Variants in ALG10B observed in about 807,000 individuals in gnomAD.
ALG10B encodes ALG10 alpha-1,2-glucosyltransferase B.
Under a neutral mutation model 38.7 loss-of-function variants are expected in ALG10B, and 27 were observed. The observed-to-expected ratio is 0.70, with a 90% CI of 0.51 to 0.96. The LOEUF (loss-of-function observed/expected upper bound fraction) is 0.96, where lower values mean the gene tolerates loss of function less well. ALG10B is among the 40% of genes least tolerant of loss of function. ALG10B has a pLI of 0.00. For missense variants in ALG10B, 522 were observed against 542.7 expected (o/e 0.96, Z 0.38); for synonymous variants, 177 against 193.3 (o/e 0.92, Z 0.70).
In ALG10B at chr12:38,317,046, C is replaced by T; in HGVS notation, c.153C>T (p.Gly51=). 2.5e-6 allele frequency: 4 copies of T among 1,614,180 alleles called. No individual in the cohort carries two copies. The highest frequency in any genetic ancestry group is 3.4e-6 in the Non-Finnish European group (4 of 1,180,042). The change falls in exon 1 of 3, where the codon GGC becomes GGT. Residue 51 remains glycine, a synonymous_variant. Coordinates refer to ENST00000308742, the MANE Select transcript of ALG10B (RefSeq NM_001013620.4). ...CTCAGGCGCAGCGCTACTGTGAGGGCCATTTCTCCCTTTCCCAGGTGGGGT... is the reference window on the plus strand; with the variant it reads ...CTCAGGCGCAGCGCTACTGTGAGGGTCATTTCTCCCTTTCCCAGGTGGGGT... ...HLPQAQRYCE[G]HFSLSQWDPM... is the part of the protein sequence containing the mutation.
intron 2 of ALG10B, among the ~76,000 whole-genome samples, chr12:38,319,143 A>G (rs895307715): frequency 6.6e-6 from 1 of 152,212 alleles, no homozygotes; most frequent in African/African-American, 2.4e-5. Context: ...ATAAGATGCT[A>G]TGAGGACACA....
Position 38,321,181 on chromosome 12 carries a change from A to T in ALG10B, c.1390A>T (p.Asn464Tyr), listed in dbSNP as rs955736476. 1 of 1,612,382 alleles carries T rather than the reference A, an allele frequency of 6.2e-7. No individual in the cohort carries two copies. Among genetic ancestry groups the T allele is most frequent in the Non-Finnish European group, 8.5e-7 (1 of 1,179,360 alleles). The change falls in exon 3 of 3, where the codon AAT becomes TAT. Residue 464 changes from asparagine to tyrosine, a missense_variant. Transcript: ENST00000308742. ...IFLNKTFQWP[N>Y]SQDIQRFMW The stretch of plus-strand genomic sequence containing the variant: ...TCTGAACAAGACTTTTCAGTGGCCA[A>T]ATAGTCAGGACATTCAAAGGTTTAT...
Position 38,324,125 on chromosome 12 carries a change from T to A in ALG10B, c.*2912T>A. 1 of 548,830 alleles carries A rather than the reference T, an allele frequency of 1.8e-6. No homozygotes were observed. 34.0% of individuals were successfully genotyped at this position (548,830 alleles called of 1,614,324 possible). ...TTGGCTCACTGAAACCTCCACCTCC[T>A]GGGTTCAAGCAGTTCTCCTGCCTCA... On this transcript the variant is annotated 3_prime_UTR_variant, in exon 3 of 3. Coordinates refer to ENST00000308742, the MANE Select transcript of ALG10B (RefSeq NM_001013620.4).
chr12:38,329,192 A>G lies in ALG10B; in HGVS notation c.*7979A>G, dbSNP rs1344028253. The G allele has an allele frequency of 2.5e-6, 1 of 398,316 alleles. No homozygotes were observed. Among genetic ancestry groups the G allele is most frequent in the Non-Finnish European group, 4.4e-6 (1 of 225,988 alleles). The allele number at this position is 398,316 out of a possible 1,614,324, so 24.7% of individuals were successfully genotyped here. A position where few individuals can be genotyped will look rare whatever the true frequency, so the allele number is the denominator to read the frequency against. On this transcript the variant is annotated 3_prime_UTR_variant, in exon 3 of 3. Coordinates refer to ENST00000308742, the MANE Select transcript of ALG10B (RefSeq NM_001013620.4). ...TCCACACTAATTTTGCCTCTTCCAC[A>G]GGGAGATAGATTCTCATCTACCATT...
Position 38,326,440 on chromosome 12 carries a change from A to G in ALG10B, c.*5227A>G, listed in dbSNP as rs1438803278. On this transcript the variant is annotated 3_prime_UTR_variant, in exon 3 of 3. Transcript: ENST00000308742. Reference sequence around the variant, plus strand: ...GAAAAACAAATAACTTTCAACCATTAAAAGGTTATAACACTTTAAAGGAAA... The same window carrying G: ...GAAAAACAAATAACTTTCAACCATTGAAAGGTTATAACACTTTAAAGGAAA... 6.6e-6 allele frequency: 1 copy of G among 150,776 alleles called. No individual in the cohort carries two copies. The highest frequency in any genetic ancestry group is 1.5e-5 in the Non-Finnish European group (1 of 67,810). The allele number at this position is 150,776 out of a possible 1,614,324, so 9.3% of individuals were successfully genotyped here. A position where few individuals can be genotyped will look rare whatever the true frequency, so the allele number is the denominator to read the frequency against.
Position 38,317,030 on chromosome 12 carries a change from A to T in ALG10B, c.137A>T (p.Gln46Leu). The change falls in exon 1 of 3, where the codon CAG (glutamine) becomes CTG (leucine). Residue 46 changes from glutamine (Q) to leucine (L), a missense_variant. By Grantham distance (113) the Gln-to-Leu change is moderately radical (BLOSUM62 -2). Transcript: ENST00000308742. ...GAGATCTTCCACCTGCCTCAGGCGC[A>T]GCGCTACTGTGAGGGCCATTTCTCC... ...MDEIFHLPQA[Q>L]RYCEGHFSLS... 6.2e-7 allele frequency: 1 copy of T among 1,614,144 alleles called. No homozygotes were observed. Among genetic ancestry groups the T allele is most frequent in the Non-Finnish European group, 8.5e-7 (1 of 1,180,020 alleles).
Position 38,325,214 on chromosome 12 carries a change from CA to C in ALG10B, c.*4003del, listed in dbSNP as rs1318585367. On this transcript the variant is annotated 3_prime_UTR_variant, in exon 3 of 3. Transcript: ENST00000308742. ...GTTTAAACTTAGCATCTCATTTTGG[CA>C]AGATAAATTATTTTAGCTGTCTGGC... 1.3e-5 allele frequency: 2 copies of C among 152,150 alleles called. No homozygotes were observed. The highest frequency in any genetic ancestry group is 4.8e-5 in the African/African-American group (2 of 41,434). 9.4% of individuals were successfully genotyped at this position (152,150 alleles called of 1,614,324 possible). A position where few individuals can be genotyped will look rare whatever the true frequency, so the allele number is the denominator to read the frequency against.
chr12:38,317,178 A>G, intron 1 of ALG10B, 114 bp downstream of exon 1: 1 of 1,430,144 alleles, frequency 7.0e-7, no homozygotes, highest in South Asian at 1.3e-5. Context: ...CCCCAGCCTC[A>G]GAACATGAAA....
Position 38,320,952 on chromosome 12 carries a change from A to G in ALG10B, c.1161A>G (p.Ser387=), listed in dbSNP as rs1478473620. 6.2e-7 allele frequency: 1 copy of G among 1,613,680 alleles called. No homozygotes were observed. Among genetic ancestry groups the G allele is most frequent in the South Asian group, 1.1e-5 (1 of 90,994 alleles). The stretch of plus-strand genomic sequence containing the variant: ...TTGCTGGTTGGAGTATAGCTGACTC[A>G]TTGAAATCAAAGCCAATTTTTTGGA... ...YIFAGWSIAD[S]LKSKPIFWNL... is the part of the protein sequence containing the mutation. The change falls in exon 3 of 3, where the codon TCA becomes TCG. Residue 387 remains serine, a synonymous_variant. Coordinates refer to ENST00000308742, the MANE Select transcript of ALG10B (RefSeq NM_001013620.4).
chr12:38,324,217 A>G lies in ALG10B; in HGVS notation c.*3004A>G, dbSNP rs1591939722. 2 of 335,862 alleles carry G rather than the reference A, an allele frequency of 6.0e-6. No homozygotes were observed. Among genetic ancestry groups the G allele is most frequent in the East Asian group, 5.3e-5 (1 of 19,046 alleles). The allele number at this position is 335,862 out of a possible 1,614,324, so 20.8% of individuals were successfully genotyped here. ...CTGGCTAATTTTTTCTATTTTTAGT[A>G]GAGCCGGGGTTTCACCGTGTTAGCC... On this transcript the variant is annotated 3_prime_UTR_variant, in exon 3 of 3. Coordinates refer to ENST00000308742, the MANE Select transcript of ALG10B (RefSeq NM_001013620.4).
chr12:38,325,701 T>G lies in ALG10B; in HGVS notation c.*4488T>G, dbSNP rs539753921. 1 of 152,284 alleles carries G rather than the reference T, an allele frequency of 6.6e-6. No individual in the cohort carries two copies. The highest frequency in any genetic ancestry group is 2.4e-5 in the African/African-American group (1 of 41,564). 9.4% of individuals were successfully genotyped at this position (152,284 alleles called of 1,614,324 possible). A position where few individuals can be genotyped will look rare whatever the true frequency, so the allele number is the denominator to read the frequency against. ...AACATTTAACATGGGAGTTAAGATTTTTATATTTGGTTGTGGCTCTGGGAT... is the reference window on the plus strand; with the variant it reads ...AACATTTAACATGGGAGTTAAGATTGTTATATTTGGTTGTGGCTCTGGGAT... On this transcript the variant is annotated 3_prime_UTR_variant, in exon 3 of 3. Transcript: ENST00000308742.
At position 38,329,150 on chromosome 12, in the gene ALG10B, A is replaced by G. The variant is rs772641217; in HGVS notation, c.*7937A>G. The G allele has an allele frequency of 5.0e-6, 2 of 398,280 alleles. No homozygotes were observed. The highest frequency in any genetic ancestry group is 7.1e-5 in the East Asian group (2 of 27,990). The allele number at this position is 398,280 out of a possible 1,614,324, so 24.7% of individuals were successfully genotyped here. On this transcript the variant is annotated 3_prime_UTR_variant, in exon 3 of 3. Transcript: ENST00000308742. ...ATGTGATTATACTTCCTAGTTTTAT[A>G]GGTCAGAAAAATGAGGTCCACACTA...
rs138776092 is a variant in ALG10B, at chr12:38,316,969, G to C, written c.76G>C (p.Ala26Pro). ...TFLVSCLLFS[A>P]FSRALREPYM... is the part of the protein sequence containing the mutation. ...TTTAGTGTCCTGCCTCCTCTTCTCC[G>C]CCTTCAGCCGGGCGCTGCGAGAGCC... is the stretch of plus-strand genomic sequence containing the variant. Residue 26 changes from alanine (A) to proline (P), a missense_variant, in exon 1 of 3, where the codon GCC becomes CCC. By Grantham distance (27) the Ala-to-Pro change is conservative. Coordinates refer to ENST00000308742, the MANE Select transcript of ALG10B (RefSeq NM_001013620.4). The C allele has an allele frequency of 5.5e-4, 882 of 1,614,100 alleles. 8 individuals are homozygous for C. The Middle Eastern group carries it at 5.9e-3, about 11-fold the overall frequency.
At chr12:38,318,105 C>G in intron 1 of ALG10B, 156 bp from the exon 2 acceptor site, 1 of 989,110 alleles carries the variant, frequency 1.0e-6, no homozygotes, top group Non-Finnish European at 1.5e-6. Context: ...ATAAGAAAAA[C>G]TAATCCTGTT....
At chr12:38,319,643 A>ATGAAAATATCATCT (rs2120488766) in intron 2 of ALG10B, among the ~76,000 whole-genome samples, 1 of 152,366 alleles carries the variant, frequency 6.6e-6, no homozygotes, top group Admixed American at 6.5e-5. Context: ...TTATTTCATC[A>ATGAAAATATCATCT]TGAAAATATC....
In ALG10B at chr12:38,324,918, G is replaced by C. The variant is rs970984312; in HGVS notation, c.*3705G>C. On this transcript the variant is annotated 3_prime_UTR_variant, in exon 3 of 3. Transcript: ENST00000308742. ...GCTCGAGGGCATCTGGAGCCCTACA[G>C]TTACCATTACTAAAGTCTGTGAGTA... The C allele has an allele frequency of 1.3e-5, 2 of 152,178 alleles. No individual in the cohort carries two copies. The highest frequency in any genetic ancestry group is 2.9e-5 in the Non-Finnish European group (2 of 68,008). The allele number at this position is 152,178 out of a possible 1,614,324, so 9.4% of individuals were successfully genotyped here. A position where few individuals can be genotyped will look rare whatever the true frequency, so the allele number is the denominator to read the frequency against.
Position 38,322,507 on chromosome 12 carries a change from A to G in ALG10B, c.*1294A>G, listed in dbSNP as rs758713717. 7.2e-5 allele frequency: 11 copies of G among 151,914 alleles called. No individual in the cohort carries two copies. Among genetic ancestry groups the G allele is most frequent in the Middle Eastern group, 3.4e-3 (1 of 294 alleles). 9.4% of individuals were successfully genotyped at this position (151,914 alleles called of 1,614,324 possible). On this transcript the variant is annotated 3_prime_UTR_variant, in exon 3 of 3. Transcript: ENST00000308742. The stretch of plus-strand genomic sequence containing the variant: ...TATATATCAAATTATAGTTGTATAT[A>G]CTTATGAGGTACGAAGTGGCATTAT...
rs1314718769 is a variant in ALG10B, at chr12:38,327,560, C to T, written c.*6347C>T. 1.3e-5 allele frequency: 2 copies of T among 152,164 alleles called. No individual in the cohort carries two copies. The highest frequency in any genetic ancestry group is 2.9e-5 in the Non-Finnish European group (2 of 68,030). The allele number at this position is 152,164 out of a possible 1,614,324, so 9.4% of individuals were successfully genotyped here. On this transcript the variant is annotated 3_prime_UTR_variant, in exon 3 of 3. Transcript: ENST00000308742. ...TCAGGTGATTTGCCCAAAGTCCACACTGTCACTAAATGAACATAGATTGGT... is the reference window on the plus strand; with the variant it reads ...TCAGGTGATTTGCCCAAAGTCCACATTGTCACTAAATGAACATAGATTGGT...
chr12:38,316,770 G>C, upstream of ALG10B: 1 of 1,528,364 alleles, frequency 6.5e-7, no homozygotes, highest in South Asian at 1.1e-5. Context: ...TTGCCTTCCG[G>C]TATGTGGCCC....
Sources: gnomAD v4.1 joint callset for allele counts (sites outside exome capture counted in the v4.1 genomes callset) on GRCh38, gnomAD v4.1.1 for gene constraint, MANE v1.5 for transcripts, NCBI Gene and HGNC (gene_info 2026-07-23, HGNC 2026-07-21) for gene names.